SH3GL3: variants seen among roughly 807,000 people sequenced by gnomAD.
SH3GL3 encodes the protein SH3 domain containing GRB2 like 3, endophilin A3, also known as endophilin-A3.
Under a neutral mutation model 47.7 loss-of-function variants are expected in SH3GL3, and 33 were observed. The ratio of observed to expected loss-of-function variants is 0.69; its 90% CI spans 0.52 to 0.92. SH3GL3 has a LOEUF of 0.92. SH3GL3 is among the 40% of genes least tolerant of loss of function. The pLI is 0.00. For missense variants in SH3GL3, 363 were observed against 417.8 expected (o/e 0.87, Z 1.14); for synonymous variants, 155 against 148.8 (o/e 1.04, Z -0.30).
chr15:83,561,953 G>A (rs1166033587), intron 2 of SH3GL3, among the ~76,000 whole-genome samples: 3 of 151,046 alleles, frequency 2.0e-5, no homozygotes, highest in African/African-American at 7.3e-5. Flanking sequence ...TTACCATTCT[G>A]CTTCCCTCTA....
At chr15:83,476,789 A>G (rs1020745705) in intron 1 of SH3GL3, among the ~76,000 whole-genome samples, 4 of 152,230 alleles carry the variant, frequency 2.6e-5, no homozygotes, top group African/African-American at 7.2e-5. Context: ...CTGAAATACT[A>G]CTATGTGGTC....
At chr15:83,467,752 TG>T (rs1567243111) in intron 1 of SH3GL3, among the ~76,000 whole-genome samples, 1 of 152,222 alleles carries the variant, frequency 6.6e-6, no homozygotes, top group African/African-American at 2.4e-5. Context: ...ATCGTGTGCA[TG>T]TTTTATTAAA....
chr15:83,615,986 CTCT>C (rs1318411663), intron 8 of SH3GL3, among the ~76,000 whole-genome samples: 1 of 152,072 alleles, frequency 6.6e-6, no homozygotes, highest in Non-Finnish European at 1.5e-5. Flanking sequence ...ACTGCTTATA[CTCT>C]TCAATTTGTG....
chr15:83,534,450 T>G (rs1436045958), intron 1 of SH3GL3, among the ~76,000 whole-genome samples: 1 of 152,144 alleles, frequency 6.6e-6, no homozygotes, highest in African/African-American at 2.4e-5. Context: ...GGCCGAAAGA[T>G]TCGAAACCTT....
intron 1 of SH3GL3, among the ~76,000 whole-genome samples, chr15:83,557,971 C>G (rs896195560): frequency 1.3e-5 from 2 of 152,108 alleles, no homozygotes; most frequent in African/African-American, 4.8e-5. Flanking sequence ...AAGTAAAATA[C>G]TATCTCCACT....
chr15:83,490,639 G>C (rs377703040), intron 1 of SH3GL3: 15 of 788,060 alleles, frequency 1.9e-5, no homozygotes, highest in Non-Finnish European at 2.9e-5. Context: ...AGTATATGAC[G>C]GTGGTCACTG....
At chr15:83,605,830 A>T (rs114637425) in intron 8 of SH3GL3, among the ~76,000 whole-genome samples, 1,710 of 152,160 alleles carry the variant, frequency 0.011, 31 homozygotes, top group African/African-American at 0.036. Flanking sequence ...CAAAGAGAAA[A>T]GGAGGCCAGG....
chr15:83,465,009 A>G (rs952743212), intron 1 of SH3GL3, among the ~76,000 whole-genome samples: 1 of 148,816 alleles, frequency 6.7e-6, no homozygotes, highest in African/African-American at 2.5e-5. Flanking sequence ...TAATAATAAT[A>G]ATAATAATAA....
intron 1 of SH3GL3, among the ~76,000 whole-genome samples, chr15:83,548,384 A>G (rs1250870613): frequency 6.7e-5 from 10 of 149,602 alleles, no homozygotes; most frequent in Non-Finnish European, 1.5e-4. Context: ...ATATTTATAT[A>G]TATAAATTCA....
chr15:83,516,009 T>C (rs573327995), intron 1 of SH3GL3, among the ~76,000 whole-genome samples: 1 of 152,030 alleles, frequency 6.6e-6, no homozygotes, highest in South Asian at 2.1e-4. Context: ...TTGGTTTCAT[T>C]CCTGGAAAAA....
intron 1 of SH3GL3, among the ~76,000 whole-genome samples, chr15:83,494,333 A>T (rs2041996017): frequency 6.6e-6 from 1 of 152,120 alleles, no homozygotes; most frequent in Non-Finnish European, 1.5e-5. Flanking sequence ...CAGGCTGAAG[A>T]TCTTTTATAT....
chr15:83,486,273 T>G (rs998592359), intron 1 of SH3GL3, among the ~76,000 whole-genome samples: 1 of 152,242 alleles, frequency 6.6e-6, no homozygotes, highest in African/African-American at 2.4e-5. Context: ...AGTTAGCCAT[T>G]TTAAGATGAA....
intron 1 of SH3GL3, among the ~76,000 whole-genome samples, chr15:83,530,611 C>T (rs1253941796): frequency 1.3e-5 from 2 of 151,204 alleles, no homozygotes; most frequent in Non-Finnish European, 2.9e-5. Flanking sequence ...CTCCTCAGGT[C>T]AACTGTTTTT....
In SH3GL3 at chr15:83,464,912, A is replaced by C. The variant is rs1194572625; in HGVS notation, c.45+17334A>C. On this transcript the variant is annotated intron_variant, in intron 1 of 8. Coordinates refer to ENST00000427482, the MANE Select transcript of SH3GL3 (RefSeq NM_003027.5). Reference sequence around the variant, plus strand: ...CAGTGGCTCACACCTGTAATCCTTTAGAACTTTAGGAGGCCAAACATGTAT... The same window carrying C: ...CAGTGGCTCACACCTGTAATCCTTTCGAACTTTAGGAGGCCAAACATGTAT... Among the ~76,000 whole-genome samples the C allele has an allele frequency of 2.0e-5, 3 of 151,906 alleles. No homozygotes were observed. The South Asian group carries it at 6.2e-4, about 32-fold the overall frequency.
intron 1 of SH3GL3, among the ~76,000 whole-genome samples, chr15:83,450,656 A>T (rs141823796): frequency 4.3e-4 from 65 of 151,710 alleles, no homozygotes; most frequent in African/African-American, 1.3e-3. Context: ...TAACAAAAAA[A>T]TTTAATTAAT....
chr15:83,460,686 G>A (rs935104991), intron 1 of SH3GL3, among the ~76,000 whole-genome samples: 4 of 152,142 alleles, frequency 2.6e-5, no homozygotes, highest in African/African-American at 9.7e-5. Flanking sequence ...AATTATATGT[G>A]TGCGGATGTG....
chr15:83,468,065 T>C (rs919811406), intron 1 of SH3GL3, among the ~76,000 whole-genome samples: 2 of 152,096 alleles, frequency 1.3e-5, no homozygotes, highest in Admixed American at 6.5e-5. Context: ...CTCCTGACCT[T>C]GTGATCTGCC....
chr15:83,543,165 T>G (rs1397697158), intron 1 of SH3GL3, among the ~76,000 whole-genome samples: 2 of 152,108 alleles, frequency 1.3e-5, no homozygotes, highest in African/African-American at 4.8e-5. Flanking sequence ...AATATCCAGT[T>G]TTTTTAGGGT....
rs761973263 is a variant in SH3GL3, at chr15:83,618,067, A to G, written c.839-15A>G. 6.4e-7 allele frequency: 1 copy of G among 1,562,766 alleles called. No homozygotes were observed. The highest frequency in any genetic ancestry group is 8.8e-7 in the Non-Finnish European group (1 of 1,133,224). On this transcript the variant is annotated splice_polypyrimidine_tract_variant and intron_variant, in intron 8 of 8. Coordinates refer to ENST00000427482, the MANE Select transcript of SH3GL3 (RefSeq NM_003027.5). ...ATGTTCATCTGTACTTTTTGTCTCC[A>G]TATCATGTGGACAGGTTCTAACATT...
Sources: gnomAD v4.1 joint callset for allele counts (sites outside exome capture counted in the v4.1 genomes callset) on GRCh38, gnomAD v4.1.1 for gene constraint, MANE v1.5 for transcripts, NCBI Gene and HGNC (gene_info 2026-07-23, HGNC 2026-07-21) for gene names.